The following LYN variants were observed in gnomAD, a reference collection of about 807,000 sequenced individuals.
The protein encoded by LYN is LYN proto-oncogene, Src family tyrosine kinase.
A neutral mutation model predicts 65.0 loss-of-function variants in LYN; 12 were observed. The observed-to-expected ratio is 0.18, with a 90% confidence interval of 0.12 to 0.30. The LOEUF (loss-of-function observed/expected upper bound fraction) is 0.30, where lower values mean the gene tolerates loss of function less well. Among genes scored for constraint, LYN ranks in the 10% least tolerant of loss-of-function variants. LYN has a pLI of 1.00. For synonymous variants in LYN, 222 were observed against 221.2 expected, an observed-to-expected ratio of 1.00 and a Z score of -0.03; for missense variants, 380 against 623.2, an observed-to-expected ratio of 0.61 and a Z score of 4.16.
chr8:55,931,970 A>G (rs897401415), intron 1 of LYN, among the ~76,000 whole-genome samples: 1 of 152,244 alleles, frequency 6.6e-6, no homozygotes, highest in African/African-American at 2.4e-5. Context: ...AGCCTCAAAA[A>G]GAAATTGTAA....
intron 1 of LYN, among the ~76,000 whole-genome samples, chr8:55,903,774 G>A (rs1436958582): frequency 2.6e-5 from 4 of 152,192 alleles, no homozygotes; most frequent in Admixed American, 2.6e-4. Flanking sequence ...AGCACTATGG[G>A]AGGCCAAGGT....
At chr8:55,974,427 T>C (rs1348126413) in intron 10 of LYN, among the ~76,000 whole-genome samples, 1 of 152,216 alleles carries the variant, frequency 6.6e-6, no homozygotes, top group Non-Finnish European at 1.5e-5. Flanking sequence ...ATTGGTAAAA[T>C]GAGGAAGGTA....
intron 8 of LYN, among the ~76,000 whole-genome samples, chr8:55,957,934 G>A (rs1807166667): frequency 6.6e-6 from 1 of 152,094 alleles, no homozygotes; most frequent in African/African-American, 2.4e-5. Context: ...GTGACAGAGT[G>A]AGACCCCATC....
chr8:55,986,179 C>A lies in LYN; in HGVS notation c.1051-12167C>A, dbSNP rs575839293. On this transcript the variant is annotated intron_variant, in intron 10 of 12. Transcript: ENST00000519728. ...GACCCTGTCTCAAAAAAAAAATCCA[C>A]CAGAATCCCCCCCGCAAAAAAAAAC... Among the ~76,000 whole-genome samples the A allele has an allele frequency of 9.3e-5, 13 of 139,802 alleles. No individual in the cohort carries two copies. In the South Asian group the frequency reaches 1.1e-3, roughly 12 times the overall value. The allele number at this position is 139,802 out of a possible 152,430, so 91.7% of individuals were successfully genotyped here.
intron 1 of LYN, among the ~76,000 whole-genome samples, chr8:55,908,227 ATTTATT>A (rs1805486779): frequency 8.7e-6 from 1 of 114,572 alleles, no homozygotes; most frequent in Admixed American, 9.0e-5. Flanking sequence ...TAAACCATTT[ATTTATT>A]TATTTATTTA....
At chr8:55,938,520 C>CG (rs1563519274) in intron 1 of LYN, among the ~76,000 whole-genome samples, 1 of 152,180 alleles carries the variant, frequency 6.6e-6, no homozygotes, top group Non-Finnish European at 1.5e-5. Flanking sequence ...ACGTCCCTGG[C>CG]CCTTCTTGCC....
At chr8:55,885,656 T>C (rs1157504458) in intron 1 of LYN, among the ~76,000 whole-genome samples, 1 of 152,118 alleles carries the variant, frequency 6.6e-6, no homozygotes, top group East Asian at 1.9e-4. Context: ...TTCCTGTAAA[T>C]GTTAACCCCC....
chr8:55,997,084 C>G (rs1808391977), intron 10 of LYN, among the ~76,000 whole-genome samples: 1 of 151,400 alleles, frequency 6.6e-6, no homozygotes, highest in Admixed American at 6.6e-5. Flanking sequence ...TCACTTGAAC[C>G]TAGGAGGCGG....
chr8:55,950,882 A>G lies in LYN; in HGVS notation c.487+98A>G. ...TCAAGGGGAAAAAAGGGCATATAGT[A>G]TGCTCTGGTAGTAAAAGTTTTATGG... is the stretch of plus-strand genomic sequence containing the variant. On this transcript the variant is annotated intron_variant, in intron 6 of 12. Transcript: ENST00000519728. The G allele has an allele frequency of 3.8e-6, 3 of 782,578 alleles. No individual in the cohort carries two copies. The Admixed American group carries it at 7.2e-5, about 19-fold the overall frequency. 48.5% of individuals were successfully genotyped at this position (782,578 alleles called of 1,614,324 possible).
intron 12 of LYN, among the ~76,000 whole-genome samples, chr8:56,009,265 T>A (rs1039050286): frequency 2.0e-5 from 3 of 152,206 alleles, no homozygotes; most frequent in Non-Finnish European, 4.4e-5. Context: ...CAATATCCTT[T>A]TGTTATTAAA....
rs190059524 is a variant in LYN at position 55,886,408 on chromosome 8, C to T, written c.-6+6305C>T. Reference sequence around the variant, plus strand: ...GCATGCACCAATGCACCACCATGCCCGGCTAATTTTTGTATTTTTAGTAGA... The same window carrying T: ...GCATGCACCAATGCACCACCATGCCTGGCTAATTTTTGTATTTTTAGTAGA... On this transcript the variant is annotated intron_variant, in intron 1 of 12. Transcript: ENST00000519728. Among the ~76,000 whole-genome samples, 15 of 151,924 alleles carry T rather than the reference C, an allele frequency of 9.9e-5. 1 individual carries two copies. The East Asian group carries it at 2.1e-3, about 22-fold the overall frequency.
At chr8:55,989,882 C>T (rs1808195096) in intron 10 of LYN, among the ~76,000 whole-genome samples, 1 of 152,120 alleles carries the variant, frequency 6.6e-6, no homozygotes, top group Admixed American at 6.5e-5. Flanking sequence ...ATTGGTTCAA[C>T]CCAGGAAGGC....
intron 1 of LYN, among the ~76,000 whole-genome samples, chr8:55,886,324 C>T (rs1348019935): frequency 6.6e-6 from 1 of 151,682 alleles, no homozygotes; most frequent in Non-Finnish European, 1.5e-5. Context: ...CACTGCAACC[C>T]CTCCTCCCAG....
In LYN at chr8:55,969,663, G is replaced by A. The variant is rs28701843; in HGVS notation, c.974-54G>A. Reference sequence around the variant, plus strand: ...AGTAATGATGATGTGAATTTTGTTTGGATTTTTTCTTGTGTGTTTGGAATG... The same window carrying A: ...AGTAATGATGATGTGAATTTTGTTTAGATTTTTTCTTGTGTGTTTGGAATG... On this transcript the variant is annotated intron_variant, in intron 9 of 12. Coordinates refer to ENST00000519728, the MANE Select transcript of LYN (RefSeq NM_002350.4). The A allele has an allele frequency of 2.0e-3, 2,721 of 1,339,330 alleles. 52 individuals are homozygous for A. In the African/African-American group the frequency reaches 0.035, roughly 17 times the overall value. 83.0% of individuals were successfully genotyped at this position (1,339,330 alleles called of 1,614,324 possible).
intron 1 of LYN, among the ~76,000 whole-genome samples, chr8:55,900,088 C>G (rs7013185): frequency 0.039 from 5,960 of 152,238 alleles, 368 homozygotes; most frequent in African/African-American, 0.13. Context: ...ACTCGAACTT[C>G]AGGAAGACAA....
intron 10 of LYN, among the ~76,000 whole-genome samples, chr8:55,986,501 C>T (rs879534578): frequency 3.9e-5 from 6 of 152,152 alleles, no homozygotes; most frequent in Non-Finnish European, 7.3e-5. Flanking sequence ...AATTCTGTTT[C>T]GTGGACACTT....
At chr8:55,882,357 C>T (rs530363998) in intron 1 of LYN, among the ~76,000 whole-genome samples, 1 of 152,318 alleles carries the variant, frequency 6.6e-6, no homozygotes, top group Non-Finnish European at 1.5e-5. Context: ...TTACTTCTAT[C>T]TGCAATATTT....
chr8:55,932,672 G>A (rs1338835272), intron 1 of LYN, among the ~76,000 whole-genome samples: 1 of 152,002 alleles, frequency 6.6e-6, no homozygotes, highest in Non-Finnish European at 1.5e-5. Context: ...CCTCCTGCCC[G>A]GGCCTCCCAA....
chr8:55,888,844 C>G (rs1395957791), intron 1 of LYN, among the ~76,000 whole-genome samples: 1 of 152,012 alleles, frequency 6.6e-6, no homozygotes, highest in Non-Finnish European at 1.5e-5. Context: ...GGCCGAATCC[C>G]TGGTTTTAAG....
Sources: gnomAD v4.1 joint callset for allele counts (sites outside exome capture counted in the v4.1 genomes callset) on GRCh38, gnomAD v4.1.1 for gene constraint, MANE v1.5 for transcripts, NCBI Gene and HGNC (gene_info 2026-07-23, HGNC 2026-07-21) for gene names.